Variants in TNRC6B observed in about 807,000 individuals in gnomAD.
TNRC6B encodes trinucleotide repeat containing adaptor 6B.
In TNRC6B, 52 loss-of-function variants were observed where a neutral mutation model predicts 203.6. The observed-to-expected ratio is 0.26, with a 90% CI of 0.20 to 0.32. The LOEUF (loss-of-function observed/expected upper bound fraction) is 0.32. TNRC6B is among the 10% of genes least tolerant of loss of function. TNRC6B has a pLI of 1.00. For synonymous variants in TNRC6B, 838 were observed against 845.7 expected (o/e 0.99, Z 0.16); for missense variants, 1,923 against 2,286.2 (o/e 0.84, Z 3.24).
At chr22:40,166,396 A>C (rs1569004648) in intron 4 of TNRC6B, among the ~76,000 whole-genome samples, 3 of 151,576 alleles carry the variant, frequency 2.0e-5, no homozygotes, top group Non-Finnish European at 4.4e-5. Context: ...TGGCTGTGAA[A>C]TGTTTTCCCC....
Position 40,300,596 on chromosome 22 carries a change from A to T in TNRC6B, c.3840+10A>T. On this transcript the variant is annotated intron_variant, in intron 13 of 22. Transcript: ENST00000454349. Reference sequence around the variant, plus strand: ...TCCCCAGTTTCAGTTGGTAAGTAGAAGATTTTCTTCCTGTGGCTAAAAAGG... The same window carrying T: ...TCCCCAGTTTCAGTTGGTAAGTAGATGATTTTCTTCCTGTGGCTAAAAAGG... 1 of 1,593,940 alleles carries T rather than the reference A, an allele frequency of 6.3e-7. No homozygotes were observed. Among genetic ancestry groups the T allele is most frequent in the Non-Finnish European group, 8.5e-7 (1 of 1,174,670 alleles).
intron 12 of TNRC6B, among the ~76,000 whole-genome samples, chr22:40,289,682 G>A (rs1474661821): frequency 2.0e-5 from 3 of 152,146 alleles, no homozygotes; most frequent in East Asian, 3.9e-4. Flanking sequence ...CTCAACCTTC[G>A]AACCTCTCCT....
chr22:40,269,719 T>TA (rs763753722), intron 5 of TNRC6B, among the ~76,000 whole-genome samples: 5,894 of 145,438 alleles, frequency 0.041, 135 homozygotes, highest in Middle Eastern at 0.064. Flanking sequence ...TGTCTCTACT[T>TA]AAAAAAAAAA....
intron 1 of TNRC6B, among the ~76,000 whole-genome samples, chr22:40,203,121 G>C (rs992229831): frequency 5.3e-5 from 8 of 152,130 alleles, no homozygotes. Flanking sequence ...GTATAGTAGA[G>C]AGAAGTAGTT....
At position 40,185,594 on chromosome 22, in the gene TNRC6B, T is replaced by G. The variant is rs143386129; in HGVS notation, c.5+7454T>G. ...TCATGGCAGGCTGTATTAGCTAGAG[T>G]AAGGTGGAGGAGGACTAGGTGTGTC... On this transcript the variant is annotated intron_variant, in intron 1 of 22. Coordinates refer to ENST00000454349, the MANE Select transcript of TNRC6B (RefSeq NM_001162501.2). 4.6e-3 allele frequency among the ~76,000 whole-genome samples: 696 copies of G among 151,486 alleles called. 6 individuals carry two copies. The highest frequency in any genetic ancestry group is 0.015 in the African/African-American group (637 of 41,208).
At chr22:40,132,394 C>T (rs891250942) in intron 3 of TNRC6B, among the ~76,000 whole-genome samples, 12 of 147,064 alleles carry the variant, frequency 8.2e-5, no homozygotes, top group Non-Finnish European at 1.2e-4. Flanking sequence ...CGGGACGGGA[C>T]GGGACGGAGC....
chr22:40,187,743 G>A lies in TNRC6B; in HGVS notation c.5+9603G>A, dbSNP rs376336332. Among the ~76,000 whole-genome samples, 8 of 152,122 alleles carry A rather than the reference G, an allele frequency of 5.3e-5. No individual in the cohort carries two copies. In the South Asian group the frequency reaches 1.4e-3, roughly 28 times the overall value. ...ATCTCACTTTTCTCCGTTTAGCCCCGTTTAGTCATTGTGTACTTTTTGCCG... is the reference window on the plus strand; with the variant it reads ...ATCTCACTTTTCTCCGTTTAGCCCCATTTAGTCATTGTGTACTTTTTGCCG... On this transcript the variant is annotated intron_variant, in intron 1 of 22. Coordinates refer to ENST00000454349, the MANE Select transcript of TNRC6B (RefSeq NM_001162501.2).
intron 4 of TNRC6B, among the ~76,000 whole-genome samples, chr22:40,156,494 A>G (rs1385182498): frequency 1.3e-5 from 2 of 152,184 alleles, no homozygotes; most frequent in Non-Finnish European, 2.9e-5. Flanking sequence ...AAAGTATAAA[A>G]TGGTACATCC....
intron 1 of TNRC6B, among the ~76,000 whole-genome samples, chr22:40,200,646 C>T (rs1420643212): frequency 1.3e-5 from 2 of 151,916 alleles, no homozygotes; most frequent in Admixed American, 6.6e-5. Flanking sequence ...ATTAAATGTT[C>T]CCTATTTCTT....
intron 1 of TNRC6B, among the ~76,000 whole-genome samples, chr22:40,235,323 G>A (rs749831824): frequency 2.6e-5 from 4 of 152,096 alleles, no homozygotes; most frequent in African/African-American, 4.8e-5. Context: ...GAGAGGCTGA[G>A]GGTCAGGTGA....
chr22:40,207,419 ATATATATATATAT>A lies in TNRC6B; in HGVS notation c.5+29280_5+29292del, dbSNP rs1270797471. Among the ~76,000 whole-genome samples the A allele has an allele frequency of 5.8e-3, 415 of 71,640 alleles. 3 individuals are homozygous for A. The highest frequency in any genetic ancestry group is 0.037 in the African/African-American group (402 of 11,012). The allele number at this position is 71,640 out of a possible 152,430, so 47.0% of individuals were successfully genotyped here. ...GAGACCCTGCCTCAAAAAAAAAAAA[ATATATATATATAT>A]ATATATATATATGTATAATAAAATA... On this transcript the variant is annotated intron_variant, in intron 1 of 22. Transcript: ENST00000454349.
At chr22:40,060,364 C>T (rs139051823) in intron 1 of TNRC6B, among the ~76,000 whole-genome samples, 116 of 152,086 alleles carry the variant, frequency 7.6e-4, no homozygotes, top group African/African-American at 2.7e-3. Flanking sequence ...AATTTATTAG[C>T]GACAGGGTTT....
Position 40,325,933 on chromosome 22 carries a change from A to C in TNRC6B, c.*2692A>C, listed in dbSNP as rs1441857890. On this transcript the variant is annotated 3_prime_UTR_variant, in exon 23 of 23. Coordinates refer to ENST00000454349, the MANE Select transcript of TNRC6B (RefSeq NM_001162501.2). ...GGTGCTAGAGCCCCTCTTGTTTACA[A>C]GACATAATGAGGGATTTGAAATATG... is the stretch of plus-strand genomic sequence containing the variant. 1.3e-5 allele frequency: 2 copies of C among 152,630 alleles called. No homozygotes were observed. Among genetic ancestry groups the C allele is most frequent in the Non-Finnish European group, 2.9e-5 (2 of 68,030 alleles). The allele number at this position is 152,630 out of a possible 1,614,324, so 9.5% of individuals were successfully genotyped here. A position where few individuals can be genotyped will look rare whatever the true frequency, so the allele number is the denominator to read the frequency against.
At chr22:40,237,499 TG>T (rs2069963562) in intron 1 of TNRC6B, among the ~76,000 whole-genome samples, 1 of 152,150 alleles carries the variant, frequency 6.6e-6, no homozygotes, top group Non-Finnish European at 1.5e-5. Context: ...AAGGGAAACT[TG>T]CAGCCACGGT....
chr22:40,132,836 TG>T (rs1438785036), intron 3 of TNRC6B, among the ~76,000 whole-genome samples: 1 of 144,980 alleles, frequency 6.9e-6, no homozygotes, highest in African/African-American at 2.5e-5. Flanking sequence ...CCCAGCTACT[TG>T]GGAGGCTGAG....
intron 22 of TNRC6B, 37 bp from the exon 23 acceptor site, chr22:40,322,817 C>T (rs911717166): frequency 1.2e-6 from 2 of 1,612,074 alleles, no homozygotes; most frequent in South Asian, 1.1e-5. Context: ...TAGGATTTTC[C>T]TGAGATCCAT....
chr22:40,306,137 A>G (rs996888804), intron 15 of TNRC6B, among the ~76,000 whole-genome samples: 1 of 151,692 alleles, frequency 6.6e-6, no homozygotes, highest in Non-Finnish European at 1.5e-5. Flanking sequence ...CTAAAAATAC[A>G]AAAAAAATCA....
At chr22:40,228,448 AAAAT>A (rs532950851) in intron 1 of TNRC6B, among the ~76,000 whole-genome samples, 149 of 152,074 alleles carry the variant, frequency 9.8e-4, no homozygotes, top group Middle Eastern at 3.4e-3. Flanking sequence ...AAATAAAACA[AAAAT>A]AAATAAATAA....
intron 1 of TNRC6B, among the ~76,000 whole-genome samples, chr22:40,090,166 A>G (rs1008001822): frequency 2.0e-5 from 3 of 152,246 alleles, no homozygotes; most frequent in African/African-American, 4.8e-5. Context: ...TTGTGTGAAC[A>G]TAAGTTTTCA....
Sources: gnomAD v4.1 joint callset for allele counts (sites outside exome capture counted in the v4.1 genomes callset) on GRCh38, gnomAD v4.1.1 for gene constraint, MANE v1.5 for transcripts, NCBI Gene and HGNC (gene_info 2026-07-23, HGNC 2026-07-21) for gene names.